The following MARCHF1 variants were observed in gnomAD, a reference collection of about 807,000 sequenced individuals.
The protein encoded by MARCHF1 is E3 ubiquitin-protein ligase MARCHF1.
A neutral mutation model predicts 54.2 loss-of-function variants in MARCHF1; 40 were observed. The ratio of observed to expected loss-of-function variants is 0.74; its 90% CI spans 0.57 to 0.96. The LOEUF is 0.96. Ranked by LOEUF, MARCHF1 falls within the 40% of genes least tolerant of loss-of-function variation. The pLI is 0.00. For synonymous variants in MARCHF1, 236 were observed against 236.3 expected (o/e 1.00, Z 0.01); for missense variants, 586 against 656.5 (o/e 0.89, Z 1.17).
At chr4:163,647,874 G>A (rs953868871) in intron 5 of MARCHF1, among the ~76,000 whole-genome samples, 2 of 150,522 alleles carry the variant, frequency 1.3e-5, no homozygotes, top group Non-Finnish European at 3.0e-5. Context: ...GAAGTCCAAA[G>A]TTAACAGAAA....
At chr4:164,187,434 A>G (rs1189741023) in intron 1 of MARCHF1, among the ~76,000 whole-genome samples, 1 of 152,136 alleles carries the variant, frequency 6.6e-6, no homozygotes, top group African/African-American at 2.4e-5. Flanking sequence ...AACGCTCCTC[A>G]GTTGTGGCAC....
At chr4:163,788,300 G>A (rs935053590) in intron 4 of MARCHF1, among the ~76,000 whole-genome samples, 2 of 151,838 alleles carry the variant, frequency 1.3e-5, no homozygotes, top group African/African-American at 4.8e-5. Context: ...AGATAATACC[G>A]AGAATTCTCA....
rs546980225 is a variant in MARCHF1, at chr4:163,839,060, A to G, written c.111+14961T>C. Among the ~76,000 whole-genome samples, 27 of 152,208 alleles carry G rather than the reference A, an allele frequency of 1.8e-4. No homozygotes were observed. The East Asian group carries it at 3.7e-3, about 21-fold the overall frequency. ...AATAACTCTGACAACATAATAATAG[A>G]AAGTTGAATAGACATTTCTTGAAAG... On this transcript the variant is annotated intron_variant, in intron 4 of 9. Transcript: ENST00000514618.
At chr4:163,770,437 C>T (rs1579272941) in intron 4 of MARCHF1, among the ~76,000 whole-genome samples, 1 of 152,046 alleles carries the variant, frequency 6.6e-6, no homozygotes, top group East Asian at 1.9e-4. Context: ...GAATAAACTT[C>T]AGTATAAAAT....
chr4:164,058,001 T>C (rs974279156), intron 2 of MARCHF1, among the ~76,000 whole-genome samples: 2 of 152,150 alleles, frequency 1.3e-5, no homozygotes, highest in African/African-American at 4.8e-5. Flanking sequence ...AAATCATTAT[T>C]CTCAGCAAAC....
intron 3 of MARCHF1, among the ~76,000 whole-genome samples, chr4:163,941,609 T>G (rs1751914180): frequency 6.6e-6 from 1 of 152,110 alleles, no homozygotes; most frequent in Admixed American, 6.6e-5. Context: ...CAAAATACAC[T>G]ATGCCAAGTT....
At chr4:163,870,397 T>TATATAGCA in intron 3 of MARCHF1, among the ~76,000 whole-genome samples, 1 of 152,266 alleles carries the variant, frequency 6.6e-6, no homozygotes, top group Admixed American at 6.5e-5. Context: ...TAAGCGGAAA[T>TATATAGCA]ATATAGCATT....
chr4:163,645,352 C>T (rs746333123), intron 5 of MARCHF1, among the ~76,000 whole-genome samples: 9 of 152,152 alleles, frequency 5.9e-5, no homozygotes, highest in Non-Finnish European at 8.8e-5. Flanking sequence ...CACATCACAC[C>T]TGGAACCTAA....
chr4:164,103,747 G>T (rs868411952), intron 2 of MARCHF1, among the ~76,000 whole-genome samples: 1 of 69,234 alleles, frequency 1.4e-5, no homozygotes, highest in Non-Finnish European at 2.9e-5. Context: ...CTAGCAGAAG[G>T]CAAGAAATAA....
At chr4:163,679,040 G>C (rs1277709428) in intron 5 of MARCHF1, among the ~76,000 whole-genome samples, 1 of 152,230 alleles carries the variant, frequency 6.6e-6, no homozygotes, top group Non-Finnish European at 1.5e-5. Flanking sequence ...ATTTGGGCAA[G>C]AGGGATGAAG....
At chr4:163,770,521 A>AACACACAC (rs36201521) in intron 4 of MARCHF1, among the ~76,000 whole-genome samples, 3 of 147,208 alleles carry the variant, frequency 2.0e-5, no homozygotes, top group African/African-American at 7.6e-5. Flanking sequence ...TCCCTCACTG[A>AACACACAC]ACACACACAC....
At chr4:163,759,787 T>C (rs962959189) in intron 4 of MARCHF1, among the ~76,000 whole-genome samples, 5 of 152,214 alleles carry the variant, frequency 3.3e-5, no homozygotes, top group African/African-American at 1.2e-4. Context: ...TTTCTCAATA[T>C]GGGAACATTT....
At chr4:164,267,544 T>G (rs1234518948) in intron 1 of MARCHF1, among the ~76,000 whole-genome samples, 6 of 152,096 alleles carry the variant, frequency 3.9e-5, no homozygotes, top group African/African-American at 1.4e-4. Context: ...TCCTACAAAC[T>G]GAGAGAAACT....
At position 164,201,508 on chromosome 4, in the gene MARCHF1, C is replaced by A. The variant is rs113347574; in HGVS notation, c.-322-89846G>T. 3.6e-3 allele frequency among the ~76,000 whole-genome samples: 542 copies of A among 152,200 alleles called. 2 individuals are homozygous for A. Among genetic ancestry groups the A allele is most frequent in the Non-Finnish European group, 6.0e-3 (408 of 68,012 alleles). ...GTGCTGGGATTATAGGTGTGAGCCA[C>A]CGTGCCCGGCCAAGACTGATTTTTT... is the stretch of plus-strand genomic sequence containing the variant. On this transcript the variant is annotated intron_variant, in intron 1 of 9. Coordinates refer to ENST00000514618, the MANE Select transcript of MARCHF1 (RefSeq NM_001394959.1).
chr4:163,867,611 C>CT (rs1395072302), intron 3 of MARCHF1, among the ~76,000 whole-genome samples: 1 of 151,790 alleles, frequency 6.6e-6, no homozygotes, highest in Non-Finnish European at 1.5e-5. Context: ...CAGATACTGA[C>CT]TACCAAGGCT....
At chr4:164,178,459 G>T (rs991130610) in intron 1 of MARCHF1, among the ~76,000 whole-genome samples, 42 of 152,300 alleles carry the variant, frequency 2.8e-4, no homozygotes, top group African/African-American at 9.6e-4. Flanking sequence ...GAAAAGTCAG[G>T]CTGGTTGCAG....
intron 1 of MARCHF1, among the ~76,000 whole-genome samples, chr4:164,330,531 G>C (rs182381419): frequency 6.6e-6 from 1 of 152,136 alleles, no homozygotes; most frequent in Non-Finnish European, 1.5e-5. Flanking sequence ...GCAAACTTTG[G>C]GATTATTAAG....
At chr4:164,032,647 G>A (rs1753902674) in intron 2 of MARCHF1, among the ~76,000 whole-genome samples, 2 of 152,128 alleles carry the variant, frequency 1.3e-5, no homozygotes, top group Admixed American at 1.3e-4. Flanking sequence ...GTGGTTTTGA[G>A]CGAGTTTCTT....
intron 3 of MARCHF1, among the ~76,000 whole-genome samples, chr4:163,980,466 T>TC (rs1752739274): frequency 6.6e-6 from 1 of 151,048 alleles, no homozygotes; most frequent in African/African-American, 2.4e-5. Flanking sequence ...GGCAAGGACT[T>TC]CATGTCCAAA....
Sources: gnomAD v4.1 joint callset for allele counts (sites outside exome capture counted in the v4.1 genomes callset) on GRCh38, gnomAD v4.1.1 for gene constraint, MANE v1.5 for transcripts, NCBI Gene and HGNC (gene_info 2026-07-23, HGNC 2026-07-21) for gene names.